The following EIF4G3 variants were observed in gnomAD, a reference collection of about 807,000 sequenced individuals.
EIF4G3 encodes the protein eIF-4-gamma 3.
Under a neutral mutation model 186.4 loss-of-function variants are expected in EIF4G3, and 34 were observed. That is an observed-to-expected ratio of 0.18 (90% CI 0.14 to 0.24). The LOEUF (loss-of-function observed/expected upper bound fraction) is 0.24, where lower values mean the gene tolerates loss of function less well. EIF4G3 is among the 10% of genes least tolerant of loss of function. The pLI, the probability that EIF4G3 is intolerant of heterozygous loss-of-function variation, is 1.00. For synonymous variants in EIF4G3, 673 were observed against 679.5 expected, an observed-to-expected ratio of 0.99 and a Z score of 0.15; for missense variants, 1,536 against 1,948.5, an observed-to-expected ratio of 0.79 and a Z score of 3.99.
chr1:21,150,458 A>G (rs1023554463), intron 2 of EIF4G3, among the ~76,000 whole-genome samples: 10 of 152,190 alleles, frequency 6.6e-5, no homozygotes, highest in African/African-American at 2.4e-4. Context: ...TCAGCACTAT[A>G]CTGACACTAT....
chr1:21,166,628 G>A (rs1006659450), intron 2 of EIF4G3, among the ~76,000 whole-genome samples: 1 of 152,158 alleles, frequency 6.6e-6, no homozygotes, highest in Non-Finnish European at 1.5e-5. Context: ...TCGGGAGGCT[G>A]AGGCATGAGA....
intron 30 of EIF4G3, among the ~76,000 whole-genome samples, chr1:20,838,090 G>A (rs1027740094): frequency 6.6e-6 from 1 of 152,048 alleles, no homozygotes; most frequent in Non-Finnish European, 1.5e-5. Flanking sequence ...GGTAATTATT[G>A]CCGGCAACAG....
chr1:20,862,169 C>T, intron 23 of EIF4G3, 59 bp downstream of exon 23: 1 of 1,044,408 alleles, frequency 9.6e-7, no homozygotes, highest in Non-Finnish European at 1.4e-6. Context: ...CCTTCCCCAA[C>T]CCAATTCCTT....
chr1:21,171,361 G>C (rs2097964266), intron 2 of EIF4G3, among the ~76,000 whole-genome samples: 1 of 152,096 alleles, frequency 6.6e-6, no homozygotes, highest in Admixed American at 6.6e-5. Flanking sequence ...TGAACTAACT[G>C]TATCATCACC....
intron 31 of EIF4G3, 100 bp from the exon 32 acceptor site, chr1:20,827,798 C>G (rs1317761825): frequency 9.9e-6 from 7 of 705,162 alleles, no homozygotes; most frequent in Non-Finnish European, 1.7e-5. Context: ...TACTGTGCAA[C>G]CTACATAATA....
At chr1:20,907,849 A>C (rs979004387) in intron 14 of EIF4G3, among the ~76,000 whole-genome samples, 5 of 152,186 alleles carry the variant, frequency 3.3e-5, no homozygotes, top group Admixed American at 1.3e-4. Flanking sequence ...TGCTGCTATA[A>C]ACATACATGT....
intron 14 of EIF4G3, among the ~76,000 whole-genome samples, chr1:20,934,984 T>G (rs80332485): frequency 0.069 from 10,478 of 152,178 alleles, 614 homozygotes; most frequent in East Asian, 0.25. Flanking sequence ...GCAGGGATCT[T>G]TGTATTACTC....
intron 6 of EIF4G3, among the ~76,000 whole-genome samples, chr1:21,000,761 G>C (rs1047632347): frequency 6.6e-6 from 1 of 152,122 alleles, no homozygotes; most frequent in African/African-American, 2.4e-5. Context: ...GTGGGTAATG[G>C]TCACTAGCAG....
intron 23 of EIF4G3, 145 bp downstream of exon 23, chr1:20,862,083 C>G: frequency 1.9e-6 from 1 of 520,328 alleles, no homozygotes; most frequent in Non-Finnish European, 3.4e-6. Context: ...AGAACTCTCC[C>G]ACGGAAAGTT....
At chr1:20,974,421 AG>A (rs2076438798) in intron 10 of EIF4G3, among the ~76,000 whole-genome samples, 1 of 152,198 alleles carries the variant, frequency 6.6e-6, no homozygotes, top group South Asian at 2.1e-4. Flanking sequence ...TTCAAGAATG[AG>A]GGCTGTGCTT....
intron 4 of EIF4G3, among the ~76,000 whole-genome samples, chr1:21,012,099 A>G (rs2087292113): frequency 6.6e-6 from 1 of 152,174 alleles, no homozygotes; most frequent in African/African-American, 2.4e-5. Flanking sequence ...TATTAGAACT[A>G]AAAGTTTTCC....
intron 12 of EIF4G3, among the ~76,000 whole-genome samples, chr1:20,959,937 T>C (rs2096534291): frequency 6.6e-6 from 1 of 152,062 alleles, no homozygotes; most frequent in South Asian, 2.1e-4. Flanking sequence ...CTGGTGGGAA[T>C]GTAAAACTGG....
intron 33 of EIF4G3, among the ~76,000 whole-genome samples, chr1:20,822,881 T>C (rs553331241): frequency 6.6e-6 from 1 of 152,320 alleles, no homozygotes; most frequent in Admixed American, 6.5e-5. Flanking sequence ...TAGAAGTATG[T>C]TGTTAAGTTT....
intron 2 of EIF4G3, among the ~76,000 whole-genome samples, chr1:21,124,324 T>C (rs966773072): frequency 1.3e-5 from 2 of 152,034 alleles, no homozygotes; most frequent in Non-Finnish European, 2.9e-5. Flanking sequence ...TACAAAGCTT[T>C]CAAGAAATGT....
At chr1:21,023,245 CCCCTCCCCCCCT>C (rs1557570211) in intron 4 of EIF4G3, among the ~76,000 whole-genome samples, 5 of 97,218 alleles carry the variant, frequency 5.1e-5, no homozygotes, top group Non-Finnish European at 1.1e-4. Context: ...CCCTCCCCTC[CCCCTCCCCCCCT>C]CCCCCTCCCT....
At chr1:21,047,817 A>G (rs776184582) in intron 4 of EIF4G3, among the ~76,000 whole-genome samples, 12 of 152,156 alleles carry the variant, frequency 7.9e-5, no homozygotes, top group Non-Finnish European at 1.8e-4. Flanking sequence ...TGAGTTTCCC[A>G]TGGAACTCTT....
At chr1:21,069,682 G>A (rs954365053) in intron 3 of EIF4G3, among the ~76,000 whole-genome samples, 1 of 152,136 alleles carries the variant, frequency 6.6e-6, no homozygotes, top group Non-Finnish European at 1.5e-5. Context: ...ATTTTAGGCT[G>A]TCACAACAGG....
chr1:21,053,533 G>A (rs1410117422), intron 3 of EIF4G3, among the ~76,000 whole-genome samples: 5 of 145,200 alleles, frequency 3.4e-5, no homozygotes, highest in South Asian at 4.4e-4. Flanking sequence ...CGCCCCGTCC[G>A]GGAAGGAGGT....
At chr1:21,042,587 T>C (rs1261943888) in intron 4 of EIF4G3, among the ~76,000 whole-genome samples, 1 of 152,192 alleles carries the variant, frequency 6.6e-6, no homozygotes, top group African/African-American at 2.4e-5. Flanking sequence ...TGAATCAAGC[T>C]TGTCTTCTCA....
Sources: allele counts gnomAD v4.1 joint callset (sites outside exome capture counted in the v4.1 genomes callset), GRCh38; gene constraint gnomAD v4.1.1; transcripts MANE v1.5; gene names NCBI Gene and HGNC (gene_info 2026-07-23, HGNC 2026-07-21).